Variants in RANBP10 observed in about 807,000 individuals in gnomAD.
RANBP10 encodes RAN binding protein 10, also known as ran-binding protein 10.
A neutral mutation model predicts 72.8 loss-of-function variants in RANBP10; 24 were observed. The ratio of observed to expected loss-of-function variants is 0.33; its 90% confidence interval spans 0.24 to 0.46. RANBP10 has a LOEUF of 0.46. Ranked by LOEUF, RANBP10 falls within the 20% of genes least tolerant of loss-of-function variation. RANBP10 has a pLI of 1.00. For synonymous variants in RANBP10, 310 were observed against 322.3 expected (o/e 0.96, Z 0.41); for missense variants, 679 against 817.5 (o/e 0.83, Z 2.07).
At chr16:67,731,442 A>C (rs1331553234) in intron 7 of RANBP10, 30 bp downstream of exon 7, 1 of 1,566,194 alleles carries the variant, frequency 6.4e-7, no homozygotes, top group Admixed American at 1.7e-5. Flanking sequence ...CAGGTGAGGA[A>C]GGGAAAGGGG....
intron 2 of RANBP10, among the ~76,000 whole-genome samples, chr16:67,801,009 C>T (rs1032389714): frequency 2.0e-5 from 3 of 152,130 alleles, no homozygotes; most frequent in Admixed American, 6.6e-5. Flanking sequence ...AGTATAGGGC[C>T]TGGAACATAG....
Position 67,723,093 on chromosome 16 carries a change from A to G in RANBP10, c.*3335T>C, listed in dbSNP as rs2053555147. The G allele has an allele frequency of 6.6e-6, 1 of 152,610 alleles. No homozygotes were observed. Among genetic ancestry groups the G allele is most frequent in the Non-Finnish European group, 1.5e-5 (1 of 68,050 alleles). 9.5% of individuals were successfully genotyped at this position (152,610 alleles called of 1,614,324 possible). On this transcript the variant is annotated 3_prime_UTR_variant, in exon 14 of 14. Coordinates refer to ENST00000317506, the MANE Select transcript of RANBP10 (RefSeq NM_020850.3). Reference sequence around the variant, plus strand: ...ACTGCTCATGGATGTGTATTTTAATAAAAATAATTCTGTCAAAATACAACA... The same window carrying G: ...ACTGCTCATGGATGTGTATTTTAATGAAAATAATTCTGTCAAAATACAACA...
At chr16:67,804,572 T>C (rs1438991529) in intron 2 of RANBP10, among the ~76,000 whole-genome samples, 2 of 152,104 alleles carry the variant, frequency 1.3e-5, no homozygotes, top group East Asian at 1.9e-4. Context: ...CAGCTAATTT[T>C]TGAATTTTTT....
rs563692295 is a variant in RANBP10, at chr16:67,737,137, C to T, written c.591+876G>A. Reference sequence around the variant, plus strand: ...GAACTAAGCAAGCAGAAAACTCCATCCTTTTCTGTTTTTTTTTTTTTTTGA... The same window carrying T: ...GAACTAAGCAAGCAGAAAACTCCATTCTTTTCTGTTTTTTTTTTTTTTTGA... On this transcript the variant is annotated intron_variant, in intron 5 of 13. Coordinates refer to ENST00000317506, the MANE Select transcript of RANBP10 (RefSeq NM_020850.3). Among the ~76,000 whole-genome samples, 155 of 76,880 alleles carry T rather than the reference C, an allele frequency of 2.0e-3. 1 individual carries two copies. Among genetic ancestry groups the T allele is most frequent in the Non-Finnish European group, 3.4e-3 (134 of 39,166 alleles). 50.4% of individuals were successfully genotyped at this position (76,880 alleles called of 152,430 possible). A position where few individuals can be genotyped will look rare whatever the true frequency, so the allele number is the denominator to read the frequency against.
intron 7 of RANBP10, chr16:67,731,148 G>A (rs999130428): frequency 3.2e-6 from 1 of 311,724 alleles, no homozygotes; most frequent in Non-Finnish European, 6.1e-6. Flanking sequence ...TGAACAGGAG[G>A]TTGAGAGGAA....
intron 2 of RANBP10, among the ~76,000 whole-genome samples, chr16:67,779,890 G>C (rs768494625): frequency 6.6e-6 from 1 of 152,124 alleles, no homozygotes; most frequent in Non-Finnish European, 1.5e-5. Flanking sequence ...CTGAGCCAAG[G>C]CCTGGTAAAG....
chr16:67,726,231 G>GGAGA lies in RANBP10; in HGVS notation c.*193_*196dup, dbSNP rs369126694. Reference sequence around the variant, plus strand: ...TGTTACAGGCCGCTGCACGTGAAGGGGAGAGAGAGAGAGACTGAGCGGGGT... The same window carrying GGAGA: ...TGTTACAGGCCGCTGCACGTGAAGGGGAGAGAGAGAGAGAGAGACTGAGCGGGGT... On this transcript the variant is annotated 3_prime_UTR_variant, in exon 14 of 14. Coordinates refer to ENST00000317506, the MANE Select transcript of RANBP10 (RefSeq NM_020850.3). 11 of 701,316 alleles carry GGAGA rather than the reference G, an allele frequency of 1.6e-5. No individual in the cohort carries two copies. The highest frequency in any genetic ancestry group is 2.8e-5 in the Admixed American group (1 of 35,292). The allele number at this position is 701,316 out of a possible 1,614,324, so 43.4% of individuals were successfully genotyped here.
At chr16:67,727,696 C>G in intron 12 of RANBP10, 55 bp downstream of exon 12, 1 of 1,611,726 alleles carries the variant, frequency 6.2e-7, no homozygotes, top group South Asian at 1.1e-5. Flanking sequence ...CAGAGCCACC[C>G]TGCCCCCAAC....
At position 67,726,350 on chromosome 16, in the gene RANBP10, C is replaced by T. The variant is rs375993010; in HGVS notation, c.*78G>A. The T allele has an allele frequency of 3.1e-6, 5 of 1,592,864 alleles. No individual in the cohort carries two copies. The highest frequency in any genetic ancestry group is 4.3e-6 in the Non-Finnish European group (5 of 1,169,734). On this transcript the variant is annotated 3_prime_UTR_variant, in exon 14 of 14. Coordinates refer to ENST00000317506, the MANE Select transcript of RANBP10 (RefSeq NM_020850.3). ...TGTCTATGGTTTCCCAGTCCCTGCA[C>T]CAGTTGCCTATGGAGGGCAGGGCAG...
chr16:67,741,400 T>A (rs2053966876), intron 4 of RANBP10, among the ~76,000 whole-genome samples: 1 of 152,186 alleles, frequency 6.6e-6, no homozygotes, highest in African/African-American at 2.4e-5. Flanking sequence ...GCCTGCAACA[T>A]CATTTTGATG....
At chr16:67,737,897 C>T (rs2053885892) in intron 5 of RANBP10, 116 bp downstream of exon 5, 1 of 1,349,290 alleles carries the variant, frequency 7.4e-7, no homozygotes, top group Non-Finnish European at 1.0e-6. Flanking sequence ...GCATGGCACA[C>T]ATCCCTGGTT....
chr16:67,757,159 G>A (rs2054300785), intron 3 of RANBP10, among the ~76,000 whole-genome samples: 1 of 152,208 alleles, frequency 6.6e-6, no homozygotes, highest in Non-Finnish European at 1.5e-5. Context: ...GGTGAGCCAA[G>A]ATGGCGCCAT....
intron 2 of RANBP10, among the ~76,000 whole-genome samples, chr16:67,786,318 A>AG (rs2054916887): frequency 6.6e-6 from 1 of 151,988 alleles, no homozygotes; most frequent in Non-Finnish European, 1.5e-5. Context: ...GACAGAGCAA[A>AG]AATCCATCTG....
chr16:67,752,289 G>A (rs2054211694), intron 3 of RANBP10, among the ~76,000 whole-genome samples: 1 of 152,176 alleles, frequency 6.6e-6, no homozygotes, highest in Non-Finnish European at 1.5e-5. Context: ...TGTAATCACA[G>A]GGTTCTTTAT....
At chr16:67,781,026 A>G (rs2054799893) in intron 2 of RANBP10, among the ~76,000 whole-genome samples, 1 of 152,256 alleles carries the variant, frequency 6.6e-6, no homozygotes, top group Non-Finnish European at 1.5e-5. Context: ...GCCCACTGGC[A>G]TGTCCCATGT....
intron 3 of RANBP10, among the ~76,000 whole-genome samples, chr16:67,750,119 G>A (rs2054166877): frequency 6.6e-6 from 1 of 152,196 alleles, no homozygotes; most frequent in African/African-American, 2.4e-5. Flanking sequence ...GGGATGCCAG[G>A]AGGTAAGGTG....
chr16:67,790,258 A>C (rs2054999516), intron 2 of RANBP10, among the ~76,000 whole-genome samples: 1 of 151,826 alleles, frequency 6.6e-6, no homozygotes, highest in Admixed American at 6.6e-5. Context: ...AAATTCATAG[A>C]AACAGAAAGT....
rs954707984 is a variant in RANBP10 at position 67,790,227 on chromosome 16, C to G, written c.347+15201G>C. 9.2e-5 allele frequency among the ~76,000 whole-genome samples: 14 copies of G among 151,752 alleles called. 2 individuals carry two copies. Among genetic ancestry groups the G allele is most frequent in the African/African-American group, 3.4e-4 (14 of 41,086 alleles). On this transcript the variant is annotated intron_variant, in intron 2 of 13. Transcript: ENST00000317506. The stretch of plus-strand genomic sequence containing the variant: ...GACCAATATTGTAGGATTCCCCTTA[C>G]ATGAACTATCAAGAATAAGCAAATT...
rs918562774 is a variant in RANBP10, at chr16:67,729,564, A to G, written c.1148-80T>C. The stretch of plus-strand genomic sequence containing the variant: ...CCCCAAGAACAACCACAGTGGTCCC[A>G]TTTCCCTTCTCCCAAATCCAGCAGT... On this transcript the variant is annotated intron_variant, in intron 9 of 13. Transcript: ENST00000317506. This position sits in a 1 kb window ranked among gnomAD's most constrained non-coding sequence, Gnocchi z 7.1. 1.1e-5 allele frequency: 17 copies of G among 1,559,154 alleles called. No homozygotes were observed. In the African/African-American group the frequency reaches 1.8e-4, roughly 16 times the overall value.
Sources: allele counts gnomAD v4.1 joint callset (sites outside exome capture counted in the v4.1 genomes callset), GRCh38; gene constraint gnomAD v4.1.1; non-coding constraint Gnocchi (gnomAD v3.1); transcripts MANE v1.5; gene names NCBI Gene and HGNC (gene_info 2026-07-23, HGNC 2026-07-21).